Variants in APBA2 observed in about 807,000 individuals in gnomAD.
The protein encoded by APBA2 is amyloid-beta A4 precursor protein-binding family A member 2.
APBA2 carries 30 observed loss-of-function variants against 75.0 expected under a neutral mutation model. The ratio of observed to expected loss-of-function variants is 0.40; its 90% CI spans 0.30 to 0.54. APBA2 has a LOEUF of 0.54. Among genes scored for constraint, APBA2 ranks in the 20% least tolerant of loss-of-function variants. APBA2 has a pLI of 0.49. For synonymous variants in APBA2, 444 were observed against 409.6 expected (o/e 1.08, Z -1.01); for missense variants, 801 against 1,016.1 (o/e 0.79, Z 2.88).
chr15:28,951,585 T>A (rs544628925), intron 2 of APBA2, among the ~76,000 whole-genome samples: 1 of 151,862 alleles, frequency 6.6e-6, no homozygotes, highest in East Asian at 1.9e-4. Flanking sequence ...CATAGTTTTT[T>A]TTTATTTTTT....
At chr15:29,005,974 A>C (rs1459673425) in intron 3 of APBA2, among the ~76,000 whole-genome samples, 4 of 152,236 alleles carry the variant, frequency 2.6e-5, no homozygotes, top group African/African-American at 9.6e-5. Context: ...AGCCAACAGC[A>C]TACCCAGTGG....
intron 3 of APBA2, among the ~76,000 whole-genome samples, chr15:29,033,305 T>C (rs1041843424): frequency 6.6e-6 from 1 of 152,224 alleles, no homozygotes; most frequent in African/African-American, 2.4e-5. Context: ...CCTTGGTTTA[T>C]GTGGTAAGAC....
At chr15:28,893,990 A>G (rs1409202734) in intron 1 of APBA2, 1 of 151,816 alleles carries the variant, frequency 6.6e-6, no homozygotes, top group Non-Finnish European at 1.5e-5. Context: ...GCCGTGGGGG[A>G]CCCCTGGACT....
At chr15:29,015,900 C>T (rs915513946) in intron 3 of APBA2, among the ~76,000 whole-genome samples, 2 of 152,140 alleles carry the variant, frequency 1.3e-5, no homozygotes, top group Admixed American at 6.5e-5. Flanking sequence ...TGCCCCCTGG[C>T]CCCCCACTTC....
intron 9 of APBA2, 89 bp downstream of exon 9, chr15:29,098,665 G>A (rs1260903022): frequency 9.1e-7 from 1 of 1,094,064 alleles, no homozygotes; most frequent in African/African-American, 1.5e-5. Context: ...GTTCTCAGCA[G>A]CTTCTCTCCT....
chr15:29,068,970 G>A (rs749636371), intron 4 of APBA2, among the ~76,000 whole-genome samples: 7 of 152,048 alleles, frequency 4.6e-5, no homozygotes, highest in Non-Finnish European at 1.0e-4. Flanking sequence ...GAACATTTTC[G>A]CTGCCCCCAG....
intron 2 of APBA2, among the ~76,000 whole-genome samples, chr15:28,951,301 C>G (rs2035858908): frequency 6.6e-6 from 1 of 152,086 alleles, no homozygotes; most frequent in East Asian, 1.9e-4. Context: ...TACAGGGGGG[C>G]CTAGATAACC....
intron 1 of APBA2, among the ~76,000 whole-genome samples, chr15:28,888,781 C>G (rs972651790): frequency 3.3e-5 from 5 of 152,168 alleles, no homozygotes; most frequent in African/African-American, 4.8e-5. Flanking sequence ...CACTCACAGG[C>G]TGCGTGCCCT....
intron 2 of APBA2, among the ~76,000 whole-genome samples, chr15:28,955,841 G>T (rs2036139567): frequency 6.6e-6 from 1 of 152,238 alleles, no homozygotes. Context: ...CCATTGCACT[G>T]GGTGTGTTGG....
rs1595597095 is a variant in APBA2 at position 28,969,128 on chromosome 15, T to TTTCTTTC, written c.-94-26623_-94-26622insCTTTCTT. On this transcript the variant is annotated intron_variant, in intron 2 of 14. Transcript: ENST00000683413. ...TACAAAAACCTTACCTTTCATTTCT[T>TTTCTTTC]TTTCTTTCTTTCTTTCTTTCTTTCT... is the stretch of plus-strand genomic sequence containing the variant. 2.9e-3 allele frequency among the ~76,000 whole-genome samples: 401 copies of TTTCTTTC among 137,144 alleles called. 4 individuals carry two copies. The highest frequency in any genetic ancestry group is 0.016 in the East Asian group (78 of 4,770). 90.0% of individuals were successfully genotyped at this position (137,144 alleles called of 152,430 possible).
chr15:28,935,593 C>T (rs1482637284), intron 2 of APBA2, among the ~76,000 whole-genome samples: 1 of 152,152 alleles, frequency 6.6e-6, no homozygotes, highest in Non-Finnish European at 1.5e-5. Flanking sequence ...AGCGCCCAGC[C>T]TAGCAGGGCA....
Position 28,922,820 on chromosome 15 carries a change from C to T in APBA2, c.-95+1071C>T, listed in dbSNP as rs571997981. ...GAACACTGCAGGTCCTTCAGGTATTCGGTGAGACCTTAGAAGCAGGCACAG... is the reference window on the plus strand; with the variant it reads ...GAACACTGCAGGTCCTTCAGGTATTTGGTGAGACCTTAGAAGCAGGCACAG... On this transcript the variant is annotated intron_variant, in intron 2 of 14. Transcript: ENST00000683413. 2.9e-4 allele frequency among the ~76,000 whole-genome samples: 44 copies of T among 152,308 alleles called. 1 individual carries two copies. In the South Asian group the frequency reaches 8.3e-3, roughly 29 times the overall value.
intron 2 of APBA2, among the ~76,000 whole-genome samples, chr15:28,936,004 A>G (rs1370454354): frequency 6.6e-6 from 1 of 152,178 alleles, no homozygotes; most frequent in African/African-American, 2.4e-5. Context: ...TTGTTTTGTT[A>G]CATGTTTATT....
chr15:29,094,182 T>C, intron 7 of APBA2, 96 bp from the exon 8 acceptor site: 1 of 1,362,174 alleles, frequency 7.3e-7, no homozygotes, highest in Non-Finnish European at 1.1e-6. Flanking sequence ...GCACCAGACC[T>C]GAGAGTGGGG....
At chr15:29,082,889 C>T (rs192214002) in intron 6 of APBA2, among the ~76,000 whole-genome samples, 29 of 152,052 alleles carry the variant, frequency 1.9e-4, no homozygotes, top group African/African-American at 6.3e-4. Context: ...GGTGAAACTC[C>T]GTCTCTACTA....
chr15:29,092,964 G>C (rs2043650322), intron 6 of APBA2, 111 bp from the exon 7 acceptor site: 1 of 1,436,272 alleles, frequency 7.0e-7, no homozygotes, highest in Non-Finnish European at 9.7e-7. Context: ...GGCCCTTCTA[G>C]TTTGCCCCGC....
intron 2 of APBA2, among the ~76,000 whole-genome samples, chr15:28,954,172 C>T (rs529321226): frequency 3.3e-5 from 5 of 152,164 alleles, no homozygotes; most frequent in Admixed American, 6.5e-5. Context: ...GCACCGCTGC[C>T]GTGCGATGAG....
At chr15:29,020,598 G>A (rs1054482839) in intron 3 of APBA2, among the ~76,000 whole-genome samples, 25 of 152,028 alleles carry the variant, frequency 1.6e-4, no homozygotes, top group African/African-American at 6.0e-4. Flanking sequence ...CTGAGGTCAG[G>A]AGTTTGAGAC....
At chr15:29,055,999 A>G (rs894712449) in intron 4 of APBA2, among the ~76,000 whole-genome samples, 1 of 152,146 alleles carries the variant, frequency 6.6e-6, no homozygotes, top group Non-Finnish European at 1.5e-5. Flanking sequence ...GGCCAAAGCA[A>G]AGTGTTTCTT....
Sources: allele counts gnomAD v4.1 joint callset (sites outside exome capture counted in the v4.1 genomes callset), GRCh38; gene constraint gnomAD v4.1.1; transcripts MANE v1.5; gene names NCBI Gene and HGNC (gene_info 2026-07-23, HGNC 2026-07-21).